MACF1: variants seen among roughly 807,000 people sequenced by gnomAD.
MACF1 encodes microtubule actin crosslinking factor 1, also known as microtubule-actin cross-linking factor 1.
Under a neutral mutation model 854.8 loss-of-function variants are expected in MACF1, and 193 were observed. The ratio of observed to expected loss-of-function variants is 0.23; its 90% CI spans 0.20 to 0.25. The LOEUF is 0.25. Ranked by LOEUF, MACF1 falls within the 10% of genes least tolerant of loss-of-function variation. The pLI, the probability that MACF1 is intolerant of heterozygous loss-of-function variation, is 1.00. For synonymous variants in MACF1, 3,185 were observed against 3,226.7 expected, an observed-to-expected ratio of 0.99 and a Z score of 0.44; for missense variants, 7,722 against 8,929.1, an observed-to-expected ratio of 0.86 and a Z score of 5.45.
At chr1:39,091,147 C>A (rs187754913) in intron 2 of MACF1, among the ~76,000 whole-genome samples, 1 of 152,222 alleles carries the variant, frequency 6.6e-6, no homozygotes, top group African/African-American at 2.4e-5. Context: ...CTGTGCCCCA[C>A]CCCTACCCCA....
At chr1:39,225,874 T>G (rs1243812822) in intron 1 of MACF1, among the ~76,000 whole-genome samples, 5 of 152,156 alleles carry the variant, frequency 3.3e-5, no homozygotes. Context: ...ATATAAAACT[T>G]ATTAAATAGT....
rs191276690 is a variant in MACF1, at chr1:39,125,430, T to G, written c.220+40992T>G. On this transcript the variant is annotated intron_variant, in intron 2 of 93. Coordinates refer to the MACF1 transcript ENST00000361689. ...TTGCAGGGATATTGTGAGGTTTGAATAAGATAATACGTATTAGCACCTAGC... is the reference window on the plus strand; with the variant it reads ...TTGCAGGGATATTGTGAGGTTTGAAGAAGATAATACGTATTAGCACCTAGC... Among the ~76,000 whole-genome samples, 3 of 152,320 alleles carry G rather than the reference T, an allele frequency of 2.0e-5. No individual in the cohort carries two copies. In the East Asian group the frequency reaches 5.8e-4, roughly 29 times the overall value.
chr1:39,129,886 T>A, intron 2 of MACF1, among the ~76,000 whole-genome samples: 1 of 152,072 alleles, frequency 6.6e-6, no homozygotes, highest in East Asian at 1.9e-4. Context: ...TCTATTCCAC[T>A]CCTCCTCCCC....
At chr1:39,431,292 T>TCAAGAAC (rs2307922) in intron 66 of MACF1, among the ~76,000 whole-genome samples, 30 of 152,052 alleles carry the variant, frequency 2.0e-4, no homozygotes, top group African/African-American at 7.0e-4. Context: ...GGGGAAGGAA[T>TCAAGAAC]TACTATCAAA....
intron 30 of MACF1, among the ~76,000 whole-genome samples, chr1:39,319,037 G>T (rs1646464446): frequency 2.7e-5 from 4 of 150,512 alleles, no homozygotes; most frequent in Non-Finnish European, 1.5e-5. Flanking sequence ...GTTTTGTTTA[G>T]CATTATGGTT....
chr1:39,317,358 T>C lies in MACF1; in HGVS notation c.3733T>C (p.Ser1245Pro). ...LDLERYQEKG[S>P]QLQERWHRVI... ...TTTGGAGCGCTATCAGGAAAAAGGC[T>C]CCCAGCTGCAGGAGCGTTGGCACCG... Residue 1245 changes from serine (S) to proline (P), a missense_variant, in exon 29 of 101, where the codon TCC (serine) becomes CCC (proline). Around this residue, in one of 15 missense-constraint regions of MACF1, gnomAD observed 1,137 missense variants for 1,263.0 expected, o/e 0.90. Coordinates refer to ENST00000564288, the MANE Select transcript of MACF1 (RefSeq NM_001394062.1). 6.2e-7 allele frequency: 1 copy of C among 1,613,574 alleles called. No individual in the cohort carries two copies. The highest frequency in any genetic ancestry group is 8.5e-7 in the Non-Finnish European group (1 of 1,179,938).
At chr1:39,095,923 C>T (rs888803312) in intron 2 of MACF1, among the ~76,000 whole-genome samples, 6 of 151,352 alleles carry the variant, frequency 4.0e-5, no homozygotes, top group Non-Finnish European at 8.8e-5. Flanking sequence ...AATCCCAACA[C>T]TTTGGGAGGC....
chr1:39,429,658 A>G (rs1643835721), intron 64 of MACF1, among the ~76,000 whole-genome samples, 169 bp from the exon 65 acceptor site: 1 of 152,166 alleles, frequency 6.6e-6, no homozygotes, highest in Non-Finnish European at 1.5e-5. Flanking sequence ...TATCCAGTGG[A>G]AAGTTTATTT....
rs1474516828 is a variant in MACF1 at position 39,335,723 on chromosome 1, T to G, written c.9135T>G (p.Ser3045=). The G allele has an allele frequency of 6.2e-7, 1 of 1,613,886 alleles. No homozygotes were observed. Among genetic ancestry groups the G allele is most frequent in the Non-Finnish European group, 8.5e-7 (1 of 1,179,958 alleles). ...TTACTTTTAAAATTGAAGAGTCCTC[T>G]TCCCAAGTGGTACCTCAAGGAATTT... is the stretch of plus-strand genomic sequence containing the variant. ...FSITFKIEES[S]SQVVPQGISV... is the part of the protein sequence containing the mutation. The change falls in exon 37 of 101, where the codon TCT becomes TCG. Residue 3045 remains serine (S), a synonymous_variant. Coordinates refer to ENST00000564288, the MANE Select transcript of MACF1 (RefSeq NM_001394062.1).
At chr1:39,300,114 A>G (rs964092328) in intron 21 of MACF1, 96 bp from the exon 22 acceptor site, 17 of 1,238,604 alleles carry the variant, frequency 1.4e-5, no homozygotes, top group Middle Eastern at 2.0e-4. Flanking sequence ...GAGAGATGAC[A>G]TTCTCTGAGG....
chr1:39,142,737 G>A (rs1486269727), intron 2 of MACF1, among the ~76,000 whole-genome samples: 1 of 152,226 alleles, frequency 6.6e-6, no homozygotes, highest in Admixed American at 6.5e-5. Context: ...AGGCTGACAT[G>A]AGCCTCAGCC....
chr1:39,208,302 A>T (rs1571174866), intron 1 of MACF1, among the ~76,000 whole-genome samples: 1 of 152,102 alleles, frequency 6.6e-6, no homozygotes, highest in Middle Eastern at 3.4e-3. Context: ...CCTTTAGGGT[A>T]AGTAGTTAAC....
intron 26 of MACF1, among the ~76,000 whole-genome samples, chr1:39,312,823 A>C (rs1362794488): frequency 1.3e-5 from 2 of 152,148 alleles, no homozygotes; most frequent in African/African-American, 4.8e-5. Context: ...AACCTGTCTC[A>C]AGCAAACAAA....
chr1:39,435,930 A>G (rs1332688361), intron 70 of MACF1, 169 bp downstream of exon 70: 5 of 611,098 alleles, frequency 8.2e-6, no homozygotes, highest in African/African-American at 1.9e-5. Flanking sequence ...TCCAAGGAAC[A>G]TTGGCATACT....
intron 2 of MACF1, among the ~76,000 whole-genome samples, chr1:39,092,768 GTTTTTTC>G (rs941322495): frequency 2.2e-5 from 3 of 138,132 alleles, no homozygotes; most frequent in East Asian, 2.3e-4. Flanking sequence ...CACAGTTCCT[GTTTTTTC>G]TTTTTTCTTT....
chr1:39,138,072 C>CAAAAAA (rs1213606775), intron 2 of MACF1, among the ~76,000 whole-genome samples: 5 of 50,292 alleles, frequency 9.9e-5, no homozygotes, highest in Admixed American at 6.8e-4. Flanking sequence ...GACTCCATCT[C>CAAAAAA]AAAAAAAAAA....
chr1:39,463,674 G>A lies in MACF1; in HGVS notation c.21741G>A (p.Glu7247=). 1 of 1,612,988 alleles carries A rather than the reference G, an allele frequency of 6.2e-7. No homozygotes were observed. The part of the protein sequence containing the change: ...AKRFQVEQIG[E]NKYRFFLGNQ... ...GGTTTCAGGTGGAGCAGATCGGAGA[G>A]AATAAATACCGGGTAAGGAAGAGAA... The change falls in exon 94 of 101, where the codon GAG becomes GAA. Residue 7247 remains glutamate (E), a synonymous_variant. Coordinates refer to ENST00000564288, the MANE Select transcript of MACF1 (RefSeq NM_001394062.1).
At chr1:39,392,588 G>A (rs1055645654) in intron 58 of MACF1, among the ~76,000 whole-genome samples, 4 of 152,028 alleles carry the variant, frequency 2.6e-5, no homozygotes, top group African/African-American at 7.2e-5. Context: ...TCTGGGAGAC[G>A]GAAACTCTGC....
rs148002520 is a variant in MACF1, at chr1:39,129,490, A to G, written c.220+45052A>G. 5.0e-3 allele frequency among the ~76,000 whole-genome samples: 757 copies of G among 152,298 alleles called. 10 individuals are homozygous for G. The highest frequency in any genetic ancestry group is 0.017 in the African/African-American group (711 of 41,566). On this transcript the variant is annotated intron_variant, in intron 2 of 93. Transcript: ENST00000361689. ...TTTATTTTCTTTGCTATAAAACTGT[A>G]CCAGCCATCTACTTACTTTCTCATT...
Sources: gnomAD v4.1 joint callset for allele counts (sites outside exome capture counted in the v4.1 genomes callset) on GRCh38, gnomAD v4.1.1 for gene constraint, gnomAD v4.1.1 regional missense constraint, MANE v1.5 for transcripts, NCBI Gene and HGNC (gene_info 2026-07-23, HGNC 2026-07-21) for gene names.